The following ITFG1 variants were observed in gnomAD, a reference collection of about 807,000 sequenced individuals.
ITFG1 encodes the protein T-cell immunomodulatory protein.
Under a neutral mutation model 81.8 loss-of-function variants are expected in ITFG1, and 34 were observed. The observed-to-expected ratio is 0.42, with a 90% CI of 0.32 to 0.55. The LOEUF is 0.55. Among genes scored for constraint, ITFG1 ranks in the 20% least tolerant of loss-of-function variants. The pLI, the probability that ITFG1 is intolerant of heterozygous loss-of-function variation, is 0.17. For missense variants in ITFG1, 672 were observed against 755.4 expected (o/e 0.89, Z 1.29); for synonymous variants, 285 against 270.6 (o/e 1.05, Z -0.52).
At chr16:47,367,782 C>T (rs1968196103) in intron 7 of ITFG1, among the ~76,000 whole-genome samples, 1 of 152,162 alleles carries the variant, frequency 6.6e-6, no homozygotes. Flanking sequence ...ATTAAAGCAT[C>T]TGATGTATTT....
chr16:47,300,589 C>T (rs1477907689), intron 10 of ITFG1, among the ~76,000 whole-genome samples: 1 of 152,142 alleles, frequency 6.6e-6, no homozygotes, highest in Non-Finnish European at 1.5e-5. Flanking sequence ...TTTGGATAGC[C>T]ATGGAGGCAA....
chr16:47,229,838 G>C (rs1024355359), intron 13 of ITFG1, among the ~76,000 whole-genome samples: 1 of 152,212 alleles, frequency 6.6e-6, no homozygotes, highest in African/African-American at 2.4e-5. Flanking sequence ...ATCACTTAAA[G>C]AGTTTAGAGT....
chr16:47,318,186 T>G (rs1967393247), intron 8 of ITFG1, among the ~76,000 whole-genome samples: 1 of 152,234 alleles, frequency 6.6e-6, no homozygotes, highest in Non-Finnish European at 1.5e-5. Context: ...GTTTCTTGTC[T>G]AACCTTCCAA....
Position 47,204,736 on chromosome 16 carries a change from A to G in ITFG1, c.1453+14132T>C, listed in dbSNP as rs1965471284. 2.0e-5 allele frequency among the ~76,000 whole-genome samples: 3 copies of G among 152,206 alleles called. No homozygotes were observed. In the South Asian group the frequency reaches 6.2e-4, roughly 32 times the overall value. On this transcript the variant is annotated intron_variant, in intron 14 of 17. Coordinates refer to ENST00000320640, the MANE Select transcript of ITFG1 (RefSeq NM_030790.5). ...TTAAGGTGCATGCATCAACTGCAGC[A>G]GGATGCACCATGGAAAATACTCAAG...
intron 10 of ITFG1, among the ~76,000 whole-genome samples, chr16:47,285,041 C>T (rs547465039): frequency 6.6e-6 from 1 of 152,196 alleles, no homozygotes; most frequent in Non-Finnish European, 1.5e-5. Context: ...AGTTTTCTTC[C>T]ACCATTCCTG....
At chr16:47,376,258 A>G (rs1274790401) in intron 6 of ITFG1, among the ~76,000 whole-genome samples, 2 of 152,180 alleles carry the variant, frequency 1.3e-5, no homozygotes, top group African/African-American at 2.4e-5. Context: ...TATTTTTTAA[A>G]ACAGATATTC....
chr16:47,351,272 T>C (rs1024667435), intron 8 of ITFG1, among the ~76,000 whole-genome samples: 1 of 152,194 alleles, frequency 6.6e-6, no homozygotes, highest in African/African-American at 2.4e-5. Flanking sequence ...AGTCGAATTG[T>C]CCCTGTTTGC....
chr16:47,245,126 C>T (rs1485184054), intron 12 of ITFG1, among the ~76,000 whole-genome samples: 3 of 152,084 alleles, frequency 2.0e-5, no homozygotes, highest in Non-Finnish European at 4.4e-5. Context: ...GCGGGTGGAC[C>T]ACCTAAGGTC....
chr16:47,458,561 G>A (rs1969481905), intron 2 of ITFG1, among the ~76,000 whole-genome samples: 2 of 152,136 alleles, frequency 1.3e-5, no homozygotes, highest in African/African-American at 4.8e-5. Flanking sequence ...AGGTGTGGGA[G>A]TGGTCATTGT....
intron 7 of ITFG1, among the ~76,000 whole-genome samples, chr16:47,369,697 CTGAT>C (rs1449864817): frequency 1.3e-5 from 2 of 152,134 alleles, no homozygotes; most frequent in East Asian, 3.9e-4. Context: ...TTTTTAAAAA[CTGAT>C]AAATAATTAT....
At chr16:47,419,896 C>G (rs1251432714) in intron 6 of ITFG1, among the ~76,000 whole-genome samples, 2 of 151,946 alleles carry the variant, frequency 1.3e-5, no homozygotes, top group Non-Finnish European at 2.9e-5. Context: ...AGCCACGACG[C>G]CCGCCCTACT....
At chr16:47,460,154 T>C (rs1205273217) in intron 1 of ITFG1, among the ~76,000 whole-genome samples, 2 of 152,148 alleles carry the variant, frequency 1.3e-5, no homozygotes, top group East Asian at 1.9e-4. Flanking sequence ...ATGACCAAGA[T>C]GAGGAAGGAG....
At chr16:47,162,318 G>A (rs1964819966) in intron 15 of ITFG1, among the ~76,000 whole-genome samples, 1 of 152,204 alleles carries the variant, frequency 6.6e-6, no homozygotes, top group South Asian at 2.1e-4. Flanking sequence ...GTTTATGGGA[G>A]AGGAGAGGGA....
intron 14 of ITFG1, among the ~76,000 whole-genome samples, chr16:47,176,953 CTTT>C (rs746522529): frequency 3.0e-5 from 4 of 135,180 alleles, no homozygotes; most frequent in Admixed American, 1.5e-4. Flanking sequence ...TCTTCTTCTT[CTTT>C]TTTTTTTTTT....
intron 14 of ITFG1, among the ~76,000 whole-genome samples, chr16:47,207,197 C>T (rs1965509882): frequency 6.6e-6 from 1 of 152,194 alleles, no homozygotes; most frequent in Non-Finnish European, 1.5e-5. Flanking sequence ...ATTCTCCCGC[C>T]TCAGCCTCCC....
intron 7 of ITFG1, among the ~76,000 whole-genome samples, chr16:47,368,295 C>T (rs1415488289): frequency 2.1e-5 from 3 of 144,114 alleles, no homozygotes; most frequent in Non-Finnish European, 4.5e-5. Flanking sequence ...CTCACACTTG[C>T]AATCCCAGCA....
At chr16:47,432,078 G>C (rs534576648) in intron 5 of ITFG1, among the ~76,000 whole-genome samples, 1 of 152,260 alleles carries the variant, frequency 6.6e-6, no homozygotes, top group Non-Finnish European at 1.5e-5. Flanking sequence ...CAGAAACCTT[G>C]ACTCATCAAT....
intron 6 of ITFG1, among the ~76,000 whole-genome samples, chr16:47,381,039 C>T (rs1968389933): frequency 6.6e-6 from 1 of 152,156 alleles, no homozygotes; most frequent in African/African-American, 2.4e-5. Context: ...GTTTATGCTT[C>T]AATTATCTCC....
At chr16:47,254,811 A>G (rs982222073) in intron 12 of ITFG1, among the ~76,000 whole-genome samples, 11 of 152,208 alleles carry the variant, frequency 7.2e-5, no homozygotes, top group Admixed American at 2.0e-4. Flanking sequence ...TACCACATTC[A>G]GATGAACTAA....
Sources: gnomAD v4.1 joint callset for allele counts (sites outside exome capture counted in the v4.1 genomes callset) on GRCh38, gnomAD v4.1.1 for gene constraint, MANE v1.5 for transcripts, NCBI Gene and HGNC (gene_info 2026-07-23, HGNC 2026-07-21) for gene names.